The following P4HA2 variants were observed in gnomAD, a reference collection of about 807,000 sequenced individuals.
P4HA2 encodes the protein prolyl 4-hydroxylase subunit alpha-2.
Under a neutral mutation model 76.9 loss-of-function variants are expected in P4HA2, and 46 were observed. That is an observed-to-expected ratio of 0.60 (90% CI 0.47 to 0.76). The LOEUF is 0.76. Ranked by LOEUF, P4HA2 falls within the 30% of genes least tolerant of loss-of-function variation. P4HA2 has a pLI of 0.00. For synonymous variants in P4HA2, 243 were observed against 254.0 expected (o/e 0.96, Z 0.41); for missense variants, 583 against 669.4 (o/e 0.87, Z 1.42).
chr5:132,193,202 T>C (rs1750109110), intron 14 of P4HA2, 122 bp from the exon 15 acceptor site: 2 of 693,330 alleles, frequency 2.9e-6, no homozygotes, highest in African/African-American at 1.7e-5. Context: ...AGACAAGACA[T>C]GATCTCAGGC....
chr5:132,204,739 C>A (rs778797499), intron 8 of P4HA2, among the ~76,000 whole-genome samples: 4 of 152,208 alleles, frequency 2.6e-5, no homozygotes, highest in African/African-American at 7.2e-5. Context: ...CCCTTGGGAT[C>A]CTTACAAGTC....
At chr5:132,224,046 C>T (rs1019130617) in intron 1 of P4HA2, among the ~76,000 whole-genome samples, 1 of 152,228 alleles carries the variant, frequency 6.6e-6, no homozygotes, top group African/African-American at 2.4e-5. Context: ...ACACGCCTGG[C>T]TGGATCTCAC....
At position 132,190,855 on chromosome 5, in the gene P4HA2, C is replaced by A. The variant is rs577964135; in HGVS notation, c.*2155G>T. On this transcript the variant is annotated 3_prime_UTR_variant, in exon 15 of 15. Coordinates refer to ENST00000360568, the MANE Select transcript of P4HA2 (RefSeq NM_001017974.2). ...ATTTTAAAATTTGTATGAATAAGAA[C>A]ACTTGAAGAAACCTAATAACTAATA... Among the ~76,000 whole-genome samples the A allele has an allele frequency of 1.1e-3, 165 of 152,230 alleles. No individual in the cohort carries two copies. Among genetic ancestry groups the A allele is most frequent in the African/African-American group, 3.9e-3 (160 of 41,526 alleles).
intron 10 of P4HA2, chr5:132,200,985 G>GT (rs1751406991): frequency 6.6e-6 from 1 of 152,244 alleles, no homozygotes; most frequent in Non-Finnish European, 1.5e-5. Flanking sequence ...ATTTGCAGCA[G>GT]TAAGATTCCC....
chr5:132,226,461 A>G (rs1561505427), intron 1 of P4HA2, among the ~76,000 whole-genome samples: 1 of 151,762 alleles, frequency 6.6e-6, no homozygotes, highest in Non-Finnish European at 1.5e-5. Flanking sequence ...GCTCTCCTGC[A>G]CCATCTCTCT....
intron 10 of P4HA2, chr5:132,199,389 C>T (rs1751169778): frequency 6.2e-6 from 1 of 160,424 alleles, no homozygotes. Flanking sequence ...TGGCACTGTT[C>T]CTACCACCTC....
rs140845692 is a variant in P4HA2, at chr5:132,207,774, G to T, written c.1014C>A (p.Ile338=). The part of the protein sequence containing the change: ...KEEDEWDSPH[I]VRYYDVMSDE... Reference sequence around the variant, plus strand: ...CAGACATGACATCGTAGTACCTGACGATGTGCGGGCTGTCCCACTCGTCCT... The same window carrying T: ...CAGACATGACATCGTAGTACCTGACTATGTGCGGGCTGTCCCACTCGTCCT... Residue 338 remains isoleucine (I), a synonymous_variant, in exon 8 of 15, where the codon ATC becomes ATA. Coordinates refer to ENST00000360568, the MANE Select transcript of P4HA2 (RefSeq NM_001017974.2). 1 of 1,613,850 alleles carries T rather than the reference G, an allele frequency of 6.2e-7. No individual in the cohort carries two copies. The highest frequency in any genetic ancestry group is 8.5e-7 in the Non-Finnish European group (1 of 1,179,930).
In P4HA2 at chr5:132,198,233, C is replaced by T. The variant is rs757149572; in HGVS notation, c.1365+88G>A. On this transcript the variant is annotated intron_variant, in intron 12 of 14. Coordinates refer to ENST00000360568, the MANE Select transcript of P4HA2 (RefSeq NM_001017974.2). ...AGTTTAAGAAAGTAGCCACACGATT[C>T]CCCGTCCCTAAATGCTTGAAAGTAT... 2.5e-6 allele frequency: 4 copies of T among 1,614,092 alleles called. No individual in the cohort carries two copies. In the Admixed American group the frequency reaches 5.0e-5, roughly 20 times the overall value.
intron 8 of P4HA2, 76 bp from the exon 9 acceptor site, chr5:132,204,228 C>T (rs963680229): frequency 1.7e-6 from 2 of 1,190,336 alleles, no homozygotes; most frequent in African/African-American, 1.5e-5. Flanking sequence ...CCAGAGAGCA[C>T]TGGGACCAGA....
intron 7 of P4HA2, among the ~76,000 whole-genome samples, chr5:132,208,835 C>G (rs1015741035): frequency 3.4e-4 from 52 of 152,030 alleles, no homozygotes; most frequent in Non-Finnish European, 4.4e-4. Context: ...GCCTGAGGTA[C>G]GTCCACCCAT....
intron 3 of P4HA2, 41 bp from the exon 4 acceptor site, chr5:132,217,389 A>G: frequency 6.2e-7 from 1 of 1,605,778 alleles, no homozygotes; most frequent in Non-Finnish European, 8.5e-7. Flanking sequence ...GCGTCCACCC[A>G]CATAGGTCTT....
At position 132,216,976 on chromosome 5, in the gene P4HA2, C is replaced by T. The variant is rs147771589; in HGVS notation, c.331+221G>A. ...GAAAAGACAGACACTAAAAAAAAGA[C>T]GCTAAAAAAAGAACTGAACATCATT... On this transcript the variant is annotated intron_variant, in intron 4 of 14. Transcript: ENST00000360568. Among the ~76,000 whole-genome samples, 394 of 152,102 alleles carry T rather than the reference C, an allele frequency of 2.6e-3. 2 individuals are homozygous for T. Among genetic ancestry groups the T allele is most frequent in the African/African-American group, 9.2e-3 (382 of 41,498 alleles).
At chr5:132,198,548 G>A (rs1026360514) in intron 11 of P4HA2, among the ~76,000 whole-genome samples, 168 bp from the exon 12 acceptor site, 5 of 152,190 alleles carry the variant, frequency 3.3e-5, no homozygotes, top group Non-Finnish European at 5.9e-5. Flanking sequence ...TGGAGTAGAC[G>A]GGGAAGAGGA....
At chr5:132,223,978 T>C (rs1017099634) in intron 1 of P4HA2, among the ~76,000 whole-genome samples, 5 of 152,236 alleles carry the variant, frequency 3.3e-5, no homozygotes, top group African/African-American at 9.6e-5. Context: ...AGAACATGCC[T>C]GCCCAGGTTA....
intron 5 of P4HA2, 74 bp downstream of exon 5, chr5:132,213,842 T>C: frequency 6.9e-7 from 1 of 1,451,894 alleles, no homozygotes; most frequent in South Asian, 1.2e-5. Flanking sequence ...GGCCACAAGT[T>C]GGTGGTGGCT....
Position 132,217,144 on chromosome 5 carries a change from C to T in P4HA2, c.331+53G>A, listed in dbSNP as rs141090495. On this transcript the variant is annotated intron_variant, in intron 4 of 14. Transcript: ENST00000360568. ...ACAGGCTCAGACACAACAACCCAGG[C>T]ATGAGCACACAAACATATGGGCTCA... is the stretch of plus-strand genomic sequence containing the variant. 3.3e-3 allele frequency: 5,135 copies of T among 1,556,644 alleles called. 62 individuals carry two copies. Among genetic ancestry groups the T allele is most frequent in the Non-Finnish European group, 2.4e-3 (2,782 of 1,138,490 alleles).
intron 12 of P4HA2, among the ~76,000 whole-genome samples, chr5:132,197,434 C>T (rs1407813987): frequency 6.6e-6 from 1 of 151,788 alleles, no homozygotes; most frequent in Non-Finnish European, 1.5e-5. Context: ...ATGGTGAAAC[C>T]CTATCTCTAC....
chr5:132,200,075 A>G (rs1464318133), intron 10 of P4HA2: 1 of 152,424 alleles, frequency 6.6e-6, no homozygotes, highest in Non-Finnish European at 1.5e-5. Context: ...AGTGGCGTGC[A>G]CCTGTAGTCC....
rs145197760 is a variant in P4HA2 at position 132,204,590 on chromosome 5, T to C, written c.1081-438A>G. Among the ~76,000 whole-genome samples the C allele has an allele frequency of 3.9e-5, 6 of 152,258 alleles. No homozygotes were observed. The East Asian group carries it at 7.7e-4, about 20-fold the overall frequency. On this transcript the variant is annotated intron_variant, in intron 8 of 14. Coordinates refer to ENST00000360568, the MANE Select transcript of P4HA2 (RefSeq NM_001017974.2). ...CCTCCGCCTTATGTACTTCTCTCAATTGAGTCAAGTTCCACCATCCTTCCG... is the reference window on the plus strand; with the variant it reads ...CCTCCGCCTTATGTACTTCTCTCAACTGAGTCAAGTTCCACCATCCTTCCG...
Sources: gnomAD v4.1 joint callset for allele counts (sites outside exome capture counted in the v4.1 genomes callset) on GRCh38, gnomAD v4.1.1 for gene constraint, MANE v1.5 for transcripts, NCBI Gene and HGNC (gene_info 2026-07-23, HGNC 2026-07-21) for gene names.